Variants in ARHGAP5 observed in about 807,000 individuals in gnomAD.
ARHGAP5 encodes the protein Rho GTPase activating protein 5.
A neutral mutation model predicts 116.6 loss-of-function variants in ARHGAP5; 23 were observed. The observed-to-expected ratio is 0.20, with a 90% CI of 0.14 to 0.28. The LOEUF is 0.28. Ranked by LOEUF, ARHGAP5 falls within the 10% of genes least tolerant of loss-of-function variation. The probability of loss-of-function intolerance (pLI) is 1.00; values close to 1 mark genes in which losing one functional copy is unlikely to be tolerated. For synonymous variants in ARHGAP5, 574 were observed against 602.0 expected, an observed-to-expected ratio of 0.95 and a Z score of 0.68; for missense variants, 1,405 against 1,774.8, an observed-to-expected ratio of 0.79 and a Z score of 3.74.
At chr14:32,088,933 A>G (rs1036637374) in intron 1 of ARHGAP5, among the ~76,000 whole-genome samples, 3 of 151,964 alleles carry the variant, frequency 2.0e-5, no homozygotes, top group African/African-American at 7.2e-5. Flanking sequence ...GTTGTCATCA[A>G]CTAGTAAATG....
intron 1 of ARHGAP5, among the ~76,000 whole-genome samples, chr14:32,083,744 GATGAAA>G (rs1285371695): frequency 3.9e-5 from 6 of 152,076 alleles, no homozygotes. Flanking sequence ...TTGTTTGTAT[GATGAAA>G]ATGACGGTTC....
In ARHGAP5 at chr14:32,158,283, T is replaced by G. The variant is rs1881984380; in HGVS notation, c.*3335T>G. The G allele has an allele frequency of 6.6e-6, 1 of 151,894 alleles. No homozygotes were observed. The highest frequency in any genetic ancestry group is 1.5e-5 in the Non-Finnish European group (1 of 67,794). The allele number at this position is 151,894 out of a possible 1,614,324, so 9.4% of individuals were successfully genotyped here. On this transcript the variant is annotated 3_prime_UTR_variant, in exon 7 of 7. Coordinates refer to ENST00000345122, the MANE Select transcript of ARHGAP5 (RefSeq NM_001030055.2). ...TGTATTATTGAATTTTCACTGTACC[T>G]GAAAAGGAGATTCAAAATTTTTTCT...
At chr14:32,145,059 T>C (rs777601801) in intron 3 of ARHGAP5, among the ~76,000 whole-genome samples, 9 of 152,230 alleles carry the variant, frequency 5.9e-5, no homozygotes, top group Non-Finnish European at 1.3e-4. Flanking sequence ...TTTGGAATAT[T>C]ACTCAAATCT....
rs985589325 is a variant in ARHGAP5, at chr14:32,114,893, C to T, written c.3718-2247C>T. On this transcript the variant is annotated intron_variant, in intron 2 of 6. Transcript: ENST00000345122. ...AGCCCTGCCTGTGCGCCTTCCCCTG[C>T]CCACACATATACATTTTTCTGATTA... 2.6e-5 allele frequency among the ~76,000 whole-genome samples: 4 copies of T among 152,300 alleles called. No homozygotes were observed. In the East Asian group the frequency reaches 7.7e-4, roughly 29 times the overall value.
At chr14:32,114,419 G>A (rs999255417) in intron 2 of ARHGAP5, among the ~76,000 whole-genome samples, 1 of 152,180 alleles carries the variant, frequency 6.6e-6, no homozygotes, top group African/African-American at 2.4e-5. Context: ...TCAACTTTGA[G>A]GTTATAGTCT....
intron 2 of ARHGAP5, among the ~76,000 whole-genome samples, chr14:32,111,343 G>A (rs1203604953): frequency 6.6e-6 from 1 of 152,148 alleles, no homozygotes; most frequent in East Asian, 1.9e-4. Context: ...GACCAGAAAA[G>A]GAGACTAAAA....
intron 3 of ARHGAP5, among the ~76,000 whole-genome samples, chr14:32,120,812 C>T (rs1879847142): frequency 6.6e-6 from 1 of 151,880 alleles, no homozygotes; most frequent in African/African-American, 2.4e-5. Context: ...AATGTCAGAT[C>T]AAATTCTTTG....
At chr14:32,129,921 C>T (rs1475095417) in intron 3 of ARHGAP5, among the ~76,000 whole-genome samples, 1 of 152,068 alleles carries the variant, frequency 6.6e-6, no homozygotes, top group Non-Finnish European at 1.5e-5. Flanking sequence ...ACCACACTTC[C>T]AGGCACAGTG....
chr14:32,103,434 A>G (rs924769129), intron 2 of ARHGAP5, among the ~76,000 whole-genome samples: 3 of 152,186 alleles, frequency 2.0e-5, no homozygotes, highest in East Asian at 1.9e-4. Context: ...TTGGCTTTCT[A>G]TACAAACTTT....
chr14:32,143,251 A>G lies in ARHGAP5; in HGVS notation c.3866-3012A>G, dbSNP rs945768528. On this transcript the variant is annotated intron_variant, in intron 3 of 6. Coordinates refer to ENST00000345122, the MANE Select transcript of ARHGAP5 (RefSeq NM_001030055.2). ...TGTTGTTGTTGTTGTTATTATTATT[A>G]TTATTATTTGAGACGGAGACTTGCT... Among the ~76,000 whole-genome samples the G allele has an allele frequency of 6.0e-5, 9 of 151,034 alleles. No homozygotes were observed. The East Asian group carries it at 7.8e-4, about 13-fold the overall frequency.
chr14:32,105,615 T>G (rs982868586), intron 2 of ARHGAP5, among the ~76,000 whole-genome samples: 3 of 152,142 alleles, frequency 2.0e-5, no homozygotes, highest in African/African-American at 7.2e-5. Context: ...TATTCAGATT[T>G]CCCCAGTTTT....
At chr14:32,143,606 T>C (rs1881240983) in intron 3 of ARHGAP5, among the ~76,000 whole-genome samples, 1 of 152,210 alleles carries the variant, frequency 6.6e-6, no homozygotes, top group Non-Finnish European at 1.5e-5. Flanking sequence ...TTGGGATAGG[T>C]TTCTAATCCC....
At chr14:32,143,702 CTG>C (rs908337898) in intron 3 of ARHGAP5, among the ~76,000 whole-genome samples, 12 of 152,064 alleles carry the variant, frequency 7.9e-5, no homozygotes, top group African/African-American at 2.7e-4. Context: ...ATAATTTAGT[CTG>C]TTTTTGTTTT....
chr14:32,087,490 CT>C lies in ARHGAP5; in HGVS notation c.-168-3000del, dbSNP rs756495863. On this transcript the variant is annotated intron_variant, in intron 1 of 6. Coordinates refer to ENST00000345122, the MANE Select transcript of ARHGAP5 (RefSeq NM_001030055.2). Reference sequence around the variant, plus strand: ...CTATTCCCCCGCCCGCCCTCCCCCGCTTTTTTTTTTTTCAAACCAAAGCCTC... The same window carrying C: ...CTATTCCCCCGCCCGCCCTCCCCCGCTTTTTTTTTTTCAAACCAAAGCCTC... Among the ~76,000 whole-genome samples the C allele has an allele frequency of 3.0e-3, 382 of 126,080 alleles. 1 individual carries two copies. The highest frequency in any genetic ancestry group is 0.012 in the Middle Eastern group (3 of 242). The allele number at this position is 126,080 out of a possible 152,430, so 82.7% of individuals were successfully genotyped here.
At position 32,092,026 on chromosome 14, in the gene ARHGAP5, G is replaced by A. The variant is rs1468493494; in HGVS notation, c.1357G>A (p.Val453Ile). The change falls in exon 2 of 7, where the codon GTT (valine) becomes ATT (isoleucine). Residue 453 changes from valine (V) to isoleucine (I), a missense_variant. Coordinates refer to ENST00000345122, the MANE Select transcript of ARHGAP5 (RefSeq NM_001030055.2). The surrounding 1 kb of genome is among the most constrained non-coding windows in gnomAD (Gnocchi z 4.1). ...FISPGQPWEE[V>I]MCFVMEDEAY... ...TTCACCAGGGCAGCCATGGGAGGAA[G>A]TTATGTGCTTTGTTATGGAGGATGA... 3.1e-6 allele frequency: 5 copies of A among 1,613,626 alleles called. No homozygotes were observed. The highest frequency in any genetic ancestry group is 1.7e-5 in the Admixed American group (1 of 59,986).
chr14:32,140,090 A>ATTTTT (rs1566681657), intron 3 of ARHGAP5, among the ~76,000 whole-genome samples: 1 of 44,296 alleles, frequency 2.3e-5, no homozygotes, highest in East Asian at 8.3e-4. Flanking sequence ...TTTTTAGGTT[A>ATTTTT]TTTGTTCTTT....
rs1053392639 is a variant in ARHGAP5, at chr14:32,117,271, A to G, written c.3849A>G (p.Glu1283=). The G allele has an allele frequency of 5.6e-6, 9 of 1,603,496 alleles. No homozygotes were observed. Among genetic ancestry groups the G allele is most frequent in the African/African-American group, 2.7e-5 (2 of 74,728 alleles). Residue 1283 remains glutamate, a synonymous_variant, in exon 3 of 7, where the codon GAA becomes GAG. Coordinates refer to ENST00000345122, the MANE Select transcript of ARHGAP5 (RefSeq NM_001030055.2). ...CACTATTTGTTGAGAAATGTGTGGA[A>G]TTTATTGAAGATACAGGTAGGATAG... ...PIPLFVEKCV[E]FIEDTGLCTE...
At chr14:32,108,931 A>C (rs767613271) in intron 2 of ARHGAP5, among the ~76,000 whole-genome samples, 5 of 152,142 alleles carry the variant, frequency 3.3e-5, no homozygotes, top group Non-Finnish European at 5.9e-5. Flanking sequence ...ACTTGACCTG[A>C]CAAAGTAAAG....
At chr14:32,118,137 C>T (rs1391706872) in intron 3 of ARHGAP5, among the ~76,000 whole-genome samples, 1 of 152,124 alleles carries the variant, frequency 6.6e-6, no homozygotes, top group Non-Finnish European at 1.5e-5. Flanking sequence ...CCTTGCCCTT[C>T]GGTTTATCAG....
Sources: allele counts gnomAD v4.1 joint callset (sites outside exome capture counted in the v4.1 genomes callset), GRCh38; gene constraint gnomAD v4.1.1; non-coding constraint Gnocchi (gnomAD v3.1); transcripts MANE v1.5; gene names NCBI Gene and HGNC (gene_info 2026-07-23, HGNC 2026-07-21).